Variants in ACTR2 observed in about 807,000 individuals in gnomAD.
ACTR2 encodes actin-related protein 2.
In ACTR2, 5 loss-of-function variants were observed where a neutral mutation model predicts 50.2. The ratio of observed to expected loss-of-function variants is 0.10; its 90% CI spans 0.05 to 0.21. ACTR2 has a LOEUF of 0.21. Ranked by LOEUF, ACTR2 falls within the 10% of genes least tolerant of loss-of-function variation. The pLI is 1.00. For missense variants in ACTR2, 180 were observed against 480.6 expected (o/e 0.37, Z 5.85); for synonymous variants, 140 against 162.9 (o/e 0.86, Z 1.07).
chr2:65,230,653 T>G (rs1558618660), intron 1 of ACTR2, among the ~76,000 whole-genome samples: 1 of 152,010 alleles, frequency 6.6e-6, no homozygotes, highest in Non-Finnish European at 1.5e-5. Context: ...TTAAAAGATC[T>G]GCCCACTGCG....
chr2:65,235,064 AATG>A (rs1051662440), intron 1 of ACTR2, among the ~76,000 whole-genome samples: 26 of 152,276 alleles, frequency 1.7e-4, no homozygotes, highest in South Asian at 2.1e-4. Context: ...CAATAGGGAT[AATG>A]ATGAGAACAG....
In ACTR2 at chr2:65,227,915, C is replaced by T. The variant is rs375309080; in HGVS notation, c.6C>T (p.Asp2=). The change falls in exon 1 of 9, where the codon GAC becomes GAT. Residue 2 remains aspartate, a synonymous_variant. Transcript: ENST00000260641. ...GGCTCTTCCCTGGGCGGACGATGGACAGCCAGGGCAGGAAGGTGGTGGTGT... is the reference window on the plus strand; with the variant it reads ...GGCTCTTCCCTGGGCGGACGATGGATAGCCAGGGCAGGAAGGTGGTGGTGT... M[D]SQGRKVVVCD... is the part of the protein sequence containing the mutation. The T allele has an allele frequency of 2.0e-6, 3 of 1,523,666 alleles. No individual in the cohort carries two copies. Among genetic ancestry groups the T allele is most frequent in the African/African-American group, 2.9e-5 (2 of 69,792 alleles). The allele number at this position is 1,523,666 out of a possible 1,614,324, so 94.4% of individuals were successfully genotyped here. A position where few individuals can be genotyped will look rare whatever the true frequency, so the allele number is the denominator to read the frequency against.
At chr2:65,256,543 A>G (rs997675732) in intron 6 of ACTR2, among the ~76,000 whole-genome samples, 3 of 152,220 alleles carry the variant, frequency 2.0e-5, no homozygotes, top group African/African-American at 7.2e-5. Flanking sequence ...ATTCACAAAT[A>G]TATGCAAAAT....
intron 7 of ACTR2, among the ~76,000 whole-genome samples, chr2:65,262,591 G>A (rs539941406): frequency 1.3e-5 from 2 of 152,058 alleles, no homozygotes; most frequent in South Asian, 4.2e-4. Flanking sequence ...CAATTGTATC[G>A]TTTATCCTTT....
chr2:65,228,126 G>A (rs1573142459), intron 1 of ACTR2, 169 bp downstream of exon 1: 1 of 547,478 alleles, frequency 1.8e-6, no homozygotes, highest in Non-Finnish European at 2.9e-6. Flanking sequence ...CCGTTCCCTG[G>A]TCTCCCTTGA....
intron 5 of ACTR2, 71 bp downstream of exon 5, chr2:65,253,935 C>CT: frequency 7.4e-7 from 1 of 1,360,380 alleles, no homozygotes; most frequent in Non-Finnish European, 1.0e-6. Flanking sequence ...AGAATTGAAT[C>CT]TATCGTTTTA....
At chr2:65,255,889 T>C (rs1001021175) in intron 6 of ACTR2, among the ~76,000 whole-genome samples, 195 bp downstream of exon 6, 1 of 152,198 alleles carries the variant, frequency 6.6e-6, no homozygotes, top group African/African-American at 2.4e-5. Context: ...TAATGCAAAT[T>C]AAGGCAAGAA....
At chr2:65,260,819 T>A (rs1672255645) in intron 6 of ACTR2, among the ~76,000 whole-genome samples, 1 of 147,956 alleles carries the variant, frequency 6.8e-6, no homozygotes, top group Non-Finnish European at 1.5e-5. Flanking sequence ...AAGCTCTGCC[T>A]CCCGGGTTCA....
chr2:65,248,675 C>T (rs1408874184), intron 3 of ACTR2, among the ~76,000 whole-genome samples: 1 of 152,018 alleles, frequency 6.6e-6, no homozygotes, highest in Non-Finnish European at 1.5e-5. Flanking sequence ...AGAGGGTAGA[C>T]AGTGGTGAAA....
At chr2:65,237,971 G>A (rs777103499) in intron 1 of ACTR2, among the ~76,000 whole-genome samples, 1 of 152,042 alleles carries the variant, frequency 6.6e-6, no homozygotes, top group Non-Finnish European at 1.5e-5. Flanking sequence ...TCCAGCCTGG[G>A]CGACAGAGTG....
intron 3 of ACTR2, among the ~76,000 whole-genome samples, chr2:65,247,376 C>T (rs945460708): frequency 1.9e-4 from 29 of 152,232 alleles, no homozygotes; most frequent in African/African-American, 6.5e-4. Flanking sequence ...ATCACAAGGT[C>T]AGGAGATCGA....
intron 2 of ACTR2, among the ~76,000 whole-genome samples, chr2:65,244,312 CACAA>C (rs1445042348): frequency 1.3e-5 from 2 of 151,628 alleles, no homozygotes; most frequent in Admixed American, 6.6e-5. Context: ...TTGTACAACA[CACAA>C]AAAAGACGTA....
At chr2:65,231,790 C>T (rs981622616) in intron 1 of ACTR2, among the ~76,000 whole-genome samples, 3 of 152,098 alleles carry the variant, frequency 2.0e-5, no homozygotes, top group Non-Finnish European at 4.4e-5. Context: ...TTCCCTGGGC[C>T]ACATTGGAAG....
intron 6 of ACTR2, among the ~76,000 whole-genome samples, chr2:65,259,836 C>T (rs1160955748): frequency 6.6e-6 from 1 of 152,164 alleles, no homozygotes; most frequent in East Asian, 1.9e-4. Context: ...GTGCTTATTA[C>T]TTAGGACAAT....
chr2:65,256,343 A>G (rs1490549139), intron 6 of ACTR2, among the ~76,000 whole-genome samples: 1 of 152,204 alleles, frequency 6.6e-6, no homozygotes. Context: ...GTACCTGGTT[A>G]TAGTTTATAA....
rs58737040 is a variant in ACTR2 at position 65,249,408 on chromosome 2, T to A, written c.376-1619T>A. Among the ~76,000 whole-genome samples the A allele has an allele frequency of 9.3e-3, 1,422 of 152,368 alleles. 33 individuals carry two copies. The highest frequency in any genetic ancestry group is 0.032 in the African/African-American group (1,319 of 41,590). On this transcript the variant is annotated intron_variant, in intron 3 of 8. Transcript: ENST00000260641. ...TCTTATTTGTTTATGACTACAAATA[T>A]GTCTATGACTGATAGTGTCCTACCT...
At chr2:65,250,103 G>A (rs1398518192) in intron 3 of ACTR2, among the ~76,000 whole-genome samples, 1 of 152,122 alleles carries the variant, frequency 6.6e-6, no homozygotes, top group Non-Finnish European at 1.5e-5. Context: ...GGTGGCTCAC[G>A]CCTGTAATCC....
intron 7 of ACTR2, among the ~76,000 whole-genome samples, chr2:65,264,376 A>T (rs907383997): frequency 1.1e-4 from 17 of 152,340 alleles, no homozygotes; most frequent in African/African-American, 3.8e-4. Flanking sequence ...AAAAAGGCCA[A>T]AATGGGTGCA....
At chr2:65,249,310 TTAAG>T (rs1227575334) in intron 3 of ACTR2, among the ~76,000 whole-genome samples, 1 of 152,222 alleles carries the variant, frequency 6.6e-6, no homozygotes, top group African/African-American at 2.4e-5. Flanking sequence ...AGTTTTTGTA[TTAAG>T]TGTTTTGAAA....
Sources: allele counts gnomAD v4.1 joint callset (sites outside exome capture counted in the v4.1 genomes callset), GRCh38; gene constraint gnomAD v4.1.1; transcripts MANE v1.5; gene names NCBI Gene and HGNC (gene_info 2026-07-23, HGNC 2026-07-21).